Variants in FUT8 observed in about 807,000 individuals in gnomAD.
The protein encoded by FUT8 is fucosyltransferase 8.
In FUT8, 29 loss-of-function variants were observed where a neutral mutation model predicts 71.3. The ratio of observed to expected loss-of-function variants is 0.41; its 90% CI spans 0.30 to 0.55. The LOEUF (loss-of-function observed/expected upper bound fraction) is 0.55. Ranked by LOEUF, FUT8 falls within the 20% of genes least tolerant of loss-of-function variation. The probability of loss-of-function intolerance (pLI) is 0.34; values close to 1 mark genes in which losing one functional copy is unlikely to be tolerated. For synonymous variants in FUT8, 254 were observed against 239.3 expected, an observed-to-expected ratio of 1.06 and a Z score of -0.57; for missense variants, 544 against 702.1, an observed-to-expected ratio of 0.77 and a Z score of 2.55.
chr14:65,432,706 C>CA (rs1181091664), intron 1 of FUT8, among the ~76,000 whole-genome samples: 1 of 152,146 alleles, frequency 6.6e-6, no homozygotes, highest in African/African-American at 2.4e-5. Context: ...ACCAAAATGG[C>CA]AATGAGAGTG....
the FUT8 span, among the ~76,000 whole-genome samples, chr14:65,391,165 T>C: frequency 6.6e-6 from 1 of 152,216 alleles, no homozygotes; most frequent in Non-Finnish European, 1.5e-5. Flanking sequence ...TTAATTAATC[T>C]TTATAATCTA....
chr14:65,409,820 A>G (rs1024252395), upstream of FUT8, among the ~76,000 whole-genome samples: 5 of 152,250 alleles, frequency 3.3e-5, no homozygotes, highest in Non-Finnish European at 7.3e-5. The surrounding 1 kb of genome is among the most constrained non-coding windows in gnomAD (Gnocchi z 5.4). Context: ...ATAACAGATC[A>G]TAACGATTGT....
At chr14:65,695,725 C>T (rs931673030) in intron 7 of FUT8, among the ~76,000 whole-genome samples, 4 of 151,654 alleles carry the variant, frequency 2.6e-5, no homozygotes, top group Non-Finnish European at 4.4e-5. Flanking sequence ...GTATTTTGGG[C>T]TATTTACATT....
chr14:65,464,877 T>C (rs893403415), intron 2 of FUT8, among the ~76,000 whole-genome samples: 1 of 152,234 alleles, frequency 6.6e-6, no homozygotes, highest in African/African-American at 2.4e-5. Flanking sequence ...ACTCTGCTTC[T>C]ACAGATTGTA....
At chr14:65,594,755 C>T (rs1247938082) in intron 3 of FUT8, among the ~76,000 whole-genome samples, 2 of 152,144 alleles carry the variant, frequency 1.3e-5, no homozygotes, top group Non-Finnish European at 2.9e-5. Context: ...AGCCACCTCT[C>T]TGCCTCTCTC....
chr14:65,681,010 A>G (rs548859481), intron 7 of FUT8, among the ~76,000 whole-genome samples: 118 of 152,334 alleles, frequency 7.7e-4, no homozygotes, highest in African/African-American at 2.6e-3. Flanking sequence ...TCTCTAGAGA[A>G]TATCTTTCCT....
chr14:65,675,222 C>G (rs774658045), intron 7 of FUT8, among the ~76,000 whole-genome samples: 2 of 151,684 alleles, frequency 1.3e-5, no homozygotes, highest in Non-Finnish European at 2.9e-5. Flanking sequence ...TAGCCTTGAC[C>G]CTTGTGAGCC....
chr14:65,385,446 GA>G, the FUT8 span, among the ~76,000 whole-genome samples: 1 of 152,096 alleles, frequency 6.6e-6, no homozygotes, highest in Non-Finnish European at 1.5e-5. Flanking sequence ...TTTGCATATA[GA>G]AAAGGCTGTG....
intron 7 of FUT8, among the ~76,000 whole-genome samples, chr14:65,712,926 T>C (rs1894876474): frequency 6.6e-6 from 1 of 152,160 alleles, no homozygotes; most frequent in African/African-American, 2.4e-5. Flanking sequence ...AATTATATGT[T>C]TTTACTTATT....
intron 6 of FUT8, among the ~76,000 whole-genome samples, chr14:65,648,559 T>C (rs2140315564): frequency 6.6e-6 from 1 of 152,350 alleles, no homozygotes; most frequent in African/African-American, 2.4e-5. Flanking sequence ...TGTTTGCCTT[T>C]TGAAGAGCAC....
chr14:65,674,504 A>G (rs1330997659), intron 7 of FUT8, among the ~76,000 whole-genome samples: 1 of 152,198 alleles, frequency 6.6e-6, no homozygotes, highest in Non-Finnish European at 1.5e-5. Context: ...CCTTTATAAG[A>G]GCTTCATATG....
chr14:65,545,912 AT>A (rs1230256137), intron 2 of FUT8, among the ~76,000 whole-genome samples: 2 of 151,828 alleles, frequency 1.3e-5, no homozygotes, highest in Admixed American at 6.6e-5. Context: ...TGCTGTTGAA[AT>A]TTTTTTCATT....
chr14:65,385,097 T>G, the FUT8 span, among the ~76,000 whole-genome samples: 1 of 151,850 alleles, frequency 6.6e-6, no homozygotes, highest in East Asian at 1.9e-4. Context: ...CGGGATTTCT[T>G]TATGTTGGTC....
At chr14:65,386,299 A>G in the FUT8 span, among the ~76,000 whole-genome samples, 9 of 151,354 alleles carry the variant, frequency 5.9e-5, no homozygotes, top group African/African-American at 1.7e-4. Flanking sequence ...TGGCTTGAGC[A>G]TAGGCATTTG....
Position 65,586,388 on chromosome 14 carries a change from G to A in FUT8, c.203+24622G>A, listed in dbSNP as rs144872411. ...CACCAGCCAAGTATAGATTCAATAGGCAGGCATTCCCAAATACCCTCAGTC... is the reference window on the plus strand; with the variant it reads ...CACCAGCCAAGTATAGATTCAATAGACAGGCATTCCCAAATACCCTCAGTC... On this transcript the variant is annotated intron_variant, in intron 3 of 10. Transcript: ENST00000673929. Among the ~76,000 whole-genome samples the A allele has an allele frequency of 2.0e-5, 3 of 152,222 alleles. No homozygotes were observed. In the East Asian group the frequency reaches 5.8e-4, roughly 29 times the overall value.
intron 2 of FUT8, among the ~76,000 whole-genome samples, chr14:65,557,435 G>C (rs11622767): frequency 0.83 from 125,302 of 151,042 alleles, 52,226 homozygotes; most frequent in East Asian, 1. Context: ...CAGGTTCAAG[G>C]AATTCTCTGC....
At chr14:65,425,226 C>G (rs111466482) in intron 1 of FUT8, among the ~76,000 whole-genome samples, 1 of 150,896 alleles carries the variant, frequency 6.6e-6, no homozygotes, top group African/African-American at 2.4e-5. Flanking sequence ...AGTGCAATGG[C>G]ACGAACTCGG....
At chr14:65,575,376 A>G (rs1175676185) in intron 3 of FUT8, among the ~76,000 whole-genome samples, 1 of 152,076 alleles carries the variant, frequency 6.6e-6, no homozygotes, top group African/African-American at 2.4e-5. Context: ...TTTTTCCTGT[A>G]ATTATATGTA....
At chr14:65,504,736 T>C (rs1349490092) in intron 2 of FUT8, among the ~76,000 whole-genome samples, 1 of 152,136 alleles carries the variant, frequency 6.6e-6, no homozygotes. Flanking sequence ...GTATATTTAG[T>C]AGAGACGGGG....
Sources: allele counts gnomAD v4.1 joint callset (sites outside exome capture counted in the v4.1 genomes callset), GRCh38; gene constraint gnomAD v4.1.1; non-coding constraint Gnocchi (gnomAD v3.1); transcripts MANE v1.5; gene names NCBI Gene and HGNC (gene_info 2026-07-23, HGNC 2026-07-21).